Variants in MTM1 observed in about 807,000 individuals in gnomAD.
MTM1 encodes myotubularin.
A neutral mutation model predicts 52.1 loss-of-function variants in MTM1; 9 were observed. The observed-to-expected ratio is 0.17, with a 90% CI of 0.10 to 0.30. MTM1 has a LOEUF of 0.30. MTM1 is among the 10% of genes least tolerant of loss of function. MTM1 has a pLI of 1.00. For synonymous variants in MTM1, 136 were observed against 163.8 expected (o/e 0.83, Z 1.29); for missense variants, 277 against 470.7 (o/e 0.59, Z 3.81).
At chrX:150,611,661 C>T (rs1484675934) in intron 4 of MTM1, among the ~76,000 whole-genome samples, 2 of 111,570 alleles carry the variant, frequency 1.8e-5, no homozygotes, top group Non-Finnish European at 3.8e-5. Context: ...TTTTCCCGCA[C>T]TCACTTTTTG....
At chrX:150,582,106 A>G (rs2038595787) in intron 1 of MTM1, among the ~76,000 whole-genome samples, 1 of 111,606 alleles carries the variant, frequency 9.0e-6, no homozygotes, top group African/African-American at 3.3e-5. Flanking sequence ...CCTTGAAGAC[A>G]TATCTCAAAT....
intron 14 of MTM1, among the ~76,000 whole-genome samples, chrX:150,665,619 C>G (rs1443109075): frequency 8.9e-6 from 1 of 112,198 alleles, no homozygotes; most frequent in Non-Finnish European, 1.9e-5. Context: ...ATTCACAGCA[C>G]TATGGTGGTA....
At chrX:150,608,087 A>C (rs1189147534) in intron 4 of MTM1, among the ~76,000 whole-genome samples, 2 of 111,571 alleles carry the variant, frequency 1.8e-5, no homozygotes, top group African/African-American at 6.5e-5. Flanking sequence ...GACCAAAGGA[A>C]GCATGAAAAA....
Position 150,644,144 on chromosome X carries a change from A to G in MTM1, c.679-1539A>G, listed in dbSNP as rs141410789. Among the ~76,000 whole-genome samples, 951 of 111,646 alleles carry G rather than the reference A, an allele frequency of 8.5e-3. 11 individuals carry two copies. Among genetic ancestry groups the G allele is most frequent in the African/African-American group, 0.029 (882 of 30,924 alleles). On this transcript the variant is annotated intron_variant, in intron 8 of 14. Coordinates refer to ENST00000370396, the MANE Select transcript of MTM1 (RefSeq NM_000252.3). ...TTTTAATAATTTCTCAAATTATTAAAATAATAAAAAATATTAAAAAATATT... is the reference window on the plus strand; with the variant it reads ...TTTTAATAATTTCTCAAATTATTAAGATAATAAAAAATATTAAAAAATATT...
chrX:150,620,013 C>T (rs1256211463), intron 6 of MTM1, among the ~76,000 whole-genome samples: 1 of 111,116 alleles, frequency 9.0e-6, no homozygotes, highest in Non-Finnish European at 1.9e-5. Context: ...TATTTTCAGC[C>T]TTTTCTAAGT....
At chrX:150,567,276 T>C (rs2038274429), upstream of MTM1, among the ~76,000 whole-genome samples, 1 of 111,682 alleles carries the variant, frequency 9.0e-6, no homozygotes, top group Admixed American at 9.5e-5. Context: ...TTTGTTACTC[T>C]TCTAAGAAGT....
At chrX:150,615,780 T>C (rs782642485) in intron 5 of MTM1, among the ~76,000 whole-genome samples, 1 of 112,345 alleles carries the variant, frequency 8.9e-6, no homozygotes, top group Non-Finnish European at 1.9e-5. Context: ...GTTTTTTCTA[T>C]CAGAAACTAA....
At chrX:150,629,082 G>A (rs1557413481) in intron 6 of MTM1, among the ~76,000 whole-genome samples, 6 of 111,115 alleles carry the variant, frequency 5.4e-5, no homozygotes, top group Non-Finnish European at 7.6e-5. Flanking sequence ...AACATTGTTA[G>A]GAGGTCTTTC....
chrX:150,589,809 G>C (rs1210618977), intron 1 of MTM1, among the ~76,000 whole-genome samples: 1 of 106,193 alleles, frequency 9.4e-6, no homozygotes, highest in Non-Finnish European at 1.9e-5. Flanking sequence ...CTAGCCATGC[G>C]CTATCCCTGT....
intron 14 of MTM1, among the ~76,000 whole-genome samples, chrX:150,667,985 A>C (rs1324934749): frequency 8.9e-6 from 1 of 112,481 alleles, no homozygotes; most frequent in Non-Finnish European, 1.9e-5. Context: ...AGATGAGATC[A>C]TTCTAGATTT....
At chrX:150,583,457 T>TA (rs1254863339) in intron 1 of MTM1, among the ~76,000 whole-genome samples, 362 of 28,109 alleles carry the variant, frequency 0.013, 56 homozygotes, top group African/African-American at 0.02. Context: ...ATATTATATA[T>TA]AATTATAAAT....
intron 1 of MTM1, among the ~76,000 whole-genome samples, chrX:150,583,387 TAA>T (rs1164509733): frequency 2.5e-4 from 3 of 12,215 alleles, no homozygotes; most frequent in African/African-American, 9.0e-4. Flanking sequence ...ATATATAATA[TAA>T]TATATATAAA....
intron 5 of MTM1, among the ~76,000 whole-genome samples, chrX:150,616,755 C>T (rs964620556): frequency 8.9e-6 from 1 of 112,175 alleles, no homozygotes; most frequent in African/African-American, 3.2e-5. Context: ...CCCATGTACT[C>T]GCCTTAAAGA....
rs140153689 is a variant in MTM1 at position 150,650,006 on chromosome X, A to C, written c.1053+105A>C. On this transcript the variant is annotated intron_variant, in intron 10 of 14. Transcript: ENST00000370396. ...CTTAAAAAAATGGACATTGAGAGATAAACTTTGTAGTAGAGGACCACATTT... is the reference window on the plus strand; with the variant it reads ...CTTAAAAAAATGGACATTGAGAGATCAACTTTGTAGTAGAGGACCACATTT... The C allele has an allele frequency of 2.3e-3, 1,704 of 739,687 alleles. 24 individuals are homozygous for C. The African/African-American group carries it at 0.032, about 14-fold the overall frequency. The allele number at this position is 739,687 out of a possible 1,213,427, so 61.0% of individuals were successfully genotyped here. A position where few individuals can be genotyped will look rare whatever the true frequency, so the allele number is the denominator to read the frequency against.
At chrX:150,602,121 A>G (rs782278327) in intron 4 of MTM1, among the ~76,000 whole-genome samples, 5 of 112,163 alleles carry the variant, frequency 4.5e-5, no homozygotes, top group East Asian at 2.8e-4. Flanking sequence ...ACACATTGCT[A>G]TGAAACCTTC....
At chrX:150,611,460 A>G (rs2039275510) in intron 4 of MTM1, among the ~76,000 whole-genome samples, 1 of 111,909 alleles carries the variant, frequency 8.9e-6, no homozygotes, top group Admixed American at 9.5e-5. Context: ...TTTTCTCTAC[A>G]TTATGATAAT....
At chrX:150,613,981 T>G (rs1402194382) in intron 4 of MTM1, among the ~76,000 whole-genome samples, 1 of 112,042 alleles carries the variant, frequency 8.9e-6, no homozygotes, top group Non-Finnish European at 1.9e-5. Flanking sequence ...GGGGAATACA[T>G]ATGTGTAAAT....
intron 14 of MTM1, among the ~76,000 whole-genome samples, chrX:150,668,120 C>T (rs1465059690): frequency 8.9e-6 from 1 of 112,490 alleles, no homozygotes; most frequent in African/African-American, 3.2e-5. Context: ...GCGATGCTGC[C>T]ATAAGCCAAG....
intron 4 of MTM1, among the ~76,000 whole-genome samples, chrX:150,612,692 T>A (rs1433079867): frequency 1.8e-5 from 2 of 111,454 alleles, no homozygotes; most frequent in African/African-American, 6.5e-5. Context: ...AAAAAACTTT[T>A]AAAAAATTTG....
Sources: gnomAD v4.1 joint callset for allele counts (sites outside exome capture counted in the v4.1 genomes callset) on GRCh38, gnomAD v4.1.1 for gene constraint, MANE v1.5 for transcripts, NCBI Gene and HGNC (gene_info 2026-07-23, HGNC 2026-07-21) for gene names.